Variants in AGTPBP1 observed in about 807,000 individuals in gnomAD.
AGTPBP1 encodes ATP/GTP binding carboxypeptidase 1, also known as cytosolic carboxypeptidase 1.
AGTPBP1 carries 70 observed loss-of-function variants against 143.9 expected under a neutral mutation model. That is an observed-to-expected ratio of 0.49 (90% CI 0.40 to 0.59). AGTPBP1 has a LOEUF of 0.59. AGTPBP1 is among the 20% of genes least tolerant of loss of function. The pLI, the probability that AGTPBP1 is intolerant of heterozygous loss-of-function variation, is 0.00. For synonymous variants in AGTPBP1, 463 were observed against 500.2 expected (o/e 0.93, Z 0.99); for missense variants, 1,229 against 1,464.5 (o/e 0.84, Z 2.62).
intron 8 of AGTPBP1, among the ~76,000 whole-genome samples, chr9:85,661,493 G>A (rs1833853853): frequency 6.6e-6 from 1 of 151,976 alleles, no homozygotes; most frequent in Admixed American, 6.6e-5. Flanking sequence ...TTTGGAACTT[G>A]AAGGTTGGGG....
At position 85,655,335 on chromosome 9, in the gene AGTPBP1, A is replaced by C; in HGVS notation, c.910-15T>G. 1 of 1,470,940 alleles carries C rather than the reference A, an allele frequency of 6.8e-7. No individual in the cohort carries two copies. Among genetic ancestry groups the C allele is most frequent in the African/African-American group, 1.4e-5 (1 of 69,352 alleles). The allele number at this position is 1,470,940 out of a possible 1,614,324, so 91.1% of individuals were successfully genotyped here. A position where few individuals can be genotyped will look rare whatever the true frequency, so the allele number is the denominator to read the frequency against. ...GCCAGACATTCCTGTTTTTTAAAAA[A>C]AGAAAAAGAAAAAGAATGTTTTTGA... On this transcript the variant is annotated splice_polypyrimidine_tract_variant and intron_variant, in intron 10 of 25. Transcript: ENST00000357081.
chr9:85,801,427 G>A, the AGTPBP1 span, among the ~76,000 whole-genome samples: 3 of 151,694 alleles, frequency 2.0e-5, no homozygotes, highest in African/African-American at 7.2e-5. Flanking sequence ...ATGTAAAACA[G>A]GGTATCTAGC....
intron 25 of AGTPBP1, among the ~76,000 whole-genome samples, chr9:85,548,942 T>A (rs913930258): frequency 1.3e-5 from 2 of 152,212 alleles, no homozygotes; most frequent in Non-Finnish European, 1.5e-5. Context: ...CCCAAAGTGC[T>A]GGGATTACAG....
rs149783342 is a variant in AGTPBP1, at chr9:85,720,967, T to A, written c.-33-8401A>T. ...GCAGGTTGTTCAGTTTCCATGTAGT[T>A]GTGCAGTTTTGAGTGAGTTTCTTAA... On this transcript the variant is annotated intron_variant, in intron 1 of 25. Coordinates refer to ENST00000357081, the MANE Select transcript of AGTPBP1 (RefSeq NM_001330701.2). Among the ~76,000 whole-genome samples the A allele has an allele frequency of 5.3e-5, 8 of 152,360 alleles. No individual in the cohort carries two copies. The East Asian group carries it at 1.5e-3, about 29-fold the overall frequency.
chr9:85,764,086 G>A, the AGTPBP1 span, among the ~76,000 whole-genome samples: 1 of 151,988 alleles, frequency 6.6e-6, no homozygotes, highest in Non-Finnish European at 1.5e-5. Flanking sequence ...AATGTAGAAT[G>A]TAAGCCAAGA....
At chr9:85,598,106 T>C (rs1029643787) in intron 17 of AGTPBP1, among the ~76,000 whole-genome samples, 3 of 152,192 alleles carry the variant, frequency 2.0e-5, no homozygotes, top group East Asian at 3.8e-4. Context: ...TTTAAAAATT[T>C]CCCTTCAACA....
At chr9:85,688,551 T>G (rs1423685396) in intron 3 of AGTPBP1, among the ~76,000 whole-genome samples, 2 of 152,098 alleles carry the variant, frequency 1.3e-5, no homozygotes, top group Non-Finnish European at 2.9e-5. Context: ...AAATCAGGAA[T>G]GAAAGACACA....
At chr9:85,755,084 T>C in the AGTPBP1 span, among the ~76,000 whole-genome samples, 1 of 152,232 alleles carries the variant, frequency 6.6e-6, no homozygotes, top group Admixed American at 6.5e-5. Context: ...CTTATAAGAT[T>C]ATACTATTAA....
chr9:85,589,716 C>G, intron 19 of AGTPBP1, 35 bp from the exon 20 acceptor site: 1 of 1,565,348 alleles, frequency 6.4e-7, no homozygotes, highest in Non-Finnish European at 8.7e-7. Context: ...TATACAATCA[C>G]TTAAAAAGTC....
chr9:85,668,181 A>T (rs745871243), intron 8 of AGTPBP1, among the ~76,000 whole-genome samples: 2 of 152,176 alleles, frequency 1.3e-5, no homozygotes, highest in Non-Finnish European at 1.5e-5. Context: ...AGAGTTCATT[A>T]TATTATCCTC....
At chr9:85,665,676 C>T (rs1348275981) in intron 8 of AGTPBP1, among the ~76,000 whole-genome samples, 1 of 152,144 alleles carries the variant, frequency 6.6e-6, no homozygotes, top group East Asian at 1.9e-4. Context: ...AATAAAAGTA[C>T]TTCTGACAGT....
At chr9:85,561,914 C>G (rs1319221612) in intron 25 of AGTPBP1, among the ~76,000 whole-genome samples, 2 of 149,956 alleles carry the variant, frequency 1.3e-5, no homozygotes, top group African/African-American at 4.9e-5. Context: ...CTCACTGCAA[C>G]TTCCGCCTCC....
intron 1 of AGTPBP1, among the ~76,000 whole-genome samples, chr9:85,740,181 A>G (rs1824154975): frequency 6.6e-6 from 1 of 152,240 alleles, no homozygotes; most frequent in Non-Finnish European, 1.5e-5. Flanking sequence ...AAGTTTAATT[A>G]ATAGATTTAA....
intron 24 of AGTPBP1, among the ~76,000 whole-genome samples, chr9:85,577,700 T>C (rs1332714394): frequency 1.3e-5 from 2 of 152,216 alleles, no homozygotes; most frequent in African/African-American, 2.4e-5. Context: ...ACTATTCTTA[T>C]TTAAGTAATT....
At chr9:85,720,183 G>A (rs1462326707) in intron 1 of AGTPBP1, among the ~76,000 whole-genome samples, 1 of 152,232 alleles carries the variant, frequency 6.6e-6, no homozygotes, top group Non-Finnish European at 1.5e-5. Flanking sequence ...CATAAAATGA[G>A]TTAGGGAGGA....
At chr9:85,646,076 A>C (rs1401728967) in intron 12 of AGTPBP1, among the ~76,000 whole-genome samples, 1 of 152,176 alleles carries the variant, frequency 6.6e-6, no homozygotes, top group Admixed American at 6.5e-5. Context: ...TCAAAATCTA[A>C]GGCAGAAAGG....
intron 12 of AGTPBP1, among the ~76,000 whole-genome samples, chr9:85,644,174 T>C (rs1423231046): frequency 6.6e-6 from 1 of 151,884 alleles, no homozygotes; most frequent in Non-Finnish European, 1.5e-5. Context: ...ATAATAGAGA[T>C]TGATTTTATT....
At chr9:85,698,679 C>CTTTTTTTTTT (rs34248388) in intron 2 of AGTPBP1, among the ~76,000 whole-genome samples, 15 of 76,576 alleles carry the variant, frequency 2.0e-4, no homozygotes, top group African/African-American at 2.9e-4. Flanking sequence ...CCACCTAACC[C>CTTTTTTTTTT]TTTTTTTTTT....
chr9:85,800,431 C>A, the AGTPBP1 span, among the ~76,000 whole-genome samples: 1 of 152,210 alleles, frequency 6.6e-6, no homozygotes, highest in Non-Finnish European at 1.5e-5. Flanking sequence ...GAAGTAGTCA[C>A]TTTGGCAGCT....
Sources: gnomAD v4.1 joint callset for allele counts (sites outside exome capture counted in the v4.1 genomes callset) on GRCh38, gnomAD v4.1.1 for gene constraint, MANE v1.5 for transcripts, NCBI Gene and HGNC (gene_info 2026-07-23, HGNC 2026-07-21) for gene names.